FANCB: variants seen among roughly 807,000 people sequenced by gnomAD.
FANCB encodes Fanconi anemia group B protein.
FANCB carries 5 observed loss-of-function variants against 38.9 expected under a neutral mutation model. That is an observed-to-expected ratio of 0.13 (90% confidence interval 0.07 to 0.27). FANCB has a LOEUF of 0.27. Among genes scored for constraint, FANCB ranks in the 10% least tolerant of loss-of-function variants. The pLI is 1.00. For synonymous variants in FANCB, 236 were observed against 215.4 expected, an observed-to-expected ratio of 1.10 and a Z score of -0.84; for missense variants, 573 against 602.7, an observed-to-expected ratio of 0.95 and a Z score of 0.52.
chrX:14,770,259 T>A, the FANCB span, among the ~76,000 whole-genome samples: 1 of 111,960 alleles, frequency 8.9e-6, no homozygotes, highest in African/African-American at 3.3e-5. Context: ...CTCCCACTAT[T>A]ATTGTGTGGG....
chrX:14,725,240 C>T, the FANCB span, among the ~76,000 whole-genome samples: 1 of 111,379 alleles, frequency 9.0e-6, no homozygotes, highest in Non-Finnish European at 1.9e-5. Flanking sequence ...CCAAAGTACC[C>T]ATGATACAAA....
At chrX:14,786,060 G>A in the FANCB span, among the ~76,000 whole-genome samples, 1 of 111,942 alleles carries the variant, frequency 8.9e-6, no homozygotes, top group South Asian at 3.7e-4. Flanking sequence ...GAGCCCAGGT[G>A]GAGCACTCTG....
chrX:14,808,722 G>C, the FANCB span, among the ~76,000 whole-genome samples: 1 of 112,044 alleles, frequency 8.9e-6, no homozygotes, highest in Non-Finnish European at 1.9e-5. Context: ...AGAGCAATCA[G>C]ACAAGATAAA....
At chrX:14,803,752 C>T in the FANCB span, among the ~76,000 whole-genome samples, 2 of 110,426 alleles carry the variant, frequency 1.8e-5, no homozygotes, top group South Asian at 3.8e-4. Flanking sequence ...ACATCAGAAA[C>T]GTTAAAATGA....
intron 10 of FANCB, chrX:14,836,273 G>A (rs1457470200): frequency 4.5e-5 from 5 of 111,681 alleles, no homozygotes; most frequent in African/African-American, 6.5e-5. Context: ...AAGAGAGAGA[G>A]GAAATTAACG....
At chrX:14,747,524 C>T in the FANCB span, among the ~76,000 whole-genome samples, 1 of 112,524 alleles carries the variant, frequency 8.9e-6, no homozygotes, top group Non-Finnish European at 1.9e-5. Flanking sequence ...ATCAATACAA[C>T]ATTTTTAACA....
downstream of FANCB, chrX:14,834,786 G>A: frequency 1.7e-6 from 1 of 579,559 alleles, no homozygotes; most frequent in East Asian, 3.3e-5. Context: ...CTTCACTGGT[G>A]CTTTTTCTTC....
chrX:14,754,435 A>G, the FANCB span, among the ~76,000 whole-genome samples: 10 of 112,586 alleles, frequency 8.9e-5, no homozygotes, highest in African/African-American at 3.2e-4. Flanking sequence ...AAAGCAATAA[A>G]TGTTACTTTT....
the FANCB span, among the ~76,000 whole-genome samples, chrX:14,783,264 T>C: frequency 1.8e-5 from 2 of 112,180 alleles, no homozygotes; most frequent in African/African-American, 6.5e-5. Context: ...ACAGTATCAG[T>C]TGAATTCATA....
the FANCB span, among the ~76,000 whole-genome samples, chrX:14,830,906 C>G: frequency 3.6e-5 from 4 of 112,537 alleles, no homozygotes; most frequent in Non-Finnish European, 5.6e-5. Context: ...TATCTGTATT[C>G]TATGATTACA....
At chrX:14,701,862 G>A in the FANCB span, among the ~76,000 whole-genome samples, 1 of 112,319 alleles carries the variant, frequency 8.9e-6, no homozygotes, top group African/African-American at 3.2e-5. Flanking sequence ...AAGAAAACTT[G>A]TATCAACTAG....
At chrX:14,690,736 C>G in the FANCB span, 5 of 1,203,268 alleles carry the variant, frequency 4.2e-6, no homozygotes, top group Non-Finnish European at 5.6e-6. Context: ...CGATTGACAT[C>G]TGGATGGCGG....
chrX:14,695,159 C>CA, the FANCB span, among the ~76,000 whole-genome samples: 26,284 of 103,457 alleles, frequency 0.25, 2,620 homozygotes, highest in Non-Finnish European at 0.31. Context: ...ATAACAGAAA[C>CA]AAAAAAAAAA....
chrX:14,700,872 G>A, the FANCB span, among the ~76,000 whole-genome samples: 1 of 109,998 alleles, frequency 9.1e-6, no homozygotes, highest in Non-Finnish European at 1.9e-5. Flanking sequence ...TGTTTATAGA[G>A]AGAATAATAT....
At chrX:14,808,159 A>G in the FANCB span, among the ~76,000 whole-genome samples, 2 of 112,134 alleles carry the variant, frequency 1.8e-5, no homozygotes, top group East Asian at 5.6e-4. Context: ...AATCAATCCT[A>G]CTAGAACTTT....
chrX:14,782,648 G>T, the FANCB span, among the ~76,000 whole-genome samples: 1 of 111,757 alleles, frequency 8.9e-6, no homozygotes. Flanking sequence ...GTATATTAAG[G>T]CTAGAGCCAG....
At chrX:14,750,334 G>A in the FANCB span, among the ~76,000 whole-genome samples, 1 of 111,699 alleles carries the variant, frequency 9.0e-6, no homozygotes, top group Admixed American at 9.5e-5. Flanking sequence ...TCAAAGCAAC[G>A]GATTGGCAGG....
chrX:14,765,390 A>C, the FANCB span, among the ~76,000 whole-genome samples: 1 of 112,011 alleles, frequency 8.9e-6, no homozygotes, highest in Non-Finnish European at 1.9e-5. Flanking sequence ...GTAAGAGAGG[A>C]CTAATAAAAT....
chrX:14,696,219 C>A, the FANCB span, among the ~76,000 whole-genome samples: 1 of 34,939 alleles, frequency 2.9e-5, no homozygotes, highest in Non-Finnish European at 5.0e-5. Context: ...AGGGAGAGTG[C>A]GAGGGAGGGA....
Sources: gnomAD v4.1 joint callset for allele counts (sites outside exome capture counted in the v4.1 genomes callset) on GRCh38, gnomAD v4.1.1 for gene constraint, MANE v1.5 for transcripts, NCBI Gene and HGNC (gene_info 2026-07-23, HGNC 2026-07-21) for gene names.